The following MAB21L3 variants were observed in gnomAD, a reference collection of about 807,000 sequenced individuals.
The protein encoded by MAB21L3 is protein mab-21-like 3.
In MAB21L3, 36 loss-of-function variants were observed where a neutral mutation model predicts 37.7. The ratio of observed to expected loss-of-function variants is 0.96; its 90% CI spans 0.73 to 1.26. The LOEUF is 1.26. Among genes scored for constraint, MAB21L3 ranks in the 50% most tolerant of loss-of-function variants. MAB21L3 has a pLI of 0.00. For missense variants in MAB21L3, 430 were observed against 447.3 expected (o/e 0.96, Z 0.35); for synonymous variants, 186 against 176.8 (o/e 1.05, Z -0.41).
intron 3 of MAB21L3, among the ~76,000 whole-genome samples, chr1:116,119,369 A>T (rs1205904669): frequency 6.6e-6 from 1 of 151,930 alleles, no homozygotes; most frequent in Non-Finnish European, 1.5e-5. Flanking sequence ...TATACTATGA[A>T]CATATGAAGT....
rs974524813 is a variant in MAB21L3, at chr1:116,137,524, G to T, written c.*4159G>T. ...AAATAGGAAAACTTTTACACTGTTG[G>T]TGGGACTGTAAACTAGTTCAACCAT... On this transcript the variant is annotated 3_prime_UTR_variant, in exon 8 of 8. Coordinates refer to ENST00000369500, the MANE Select transcript of MAB21L3 (RefSeq NM_152367.3). 2.7e-5 allele frequency among the ~76,000 whole-genome samples: 4 copies of T among 149,328 alleles called. No homozygotes were observed. Among genetic ancestry groups the T allele is most frequent in the African/African-American group, 5.0e-5 (2 of 39,826 alleles).
chr1:116,121,314 C>A (rs910340159), intron 4 of MAB21L3, among the ~76,000 whole-genome samples: 2 of 152,042 alleles, frequency 1.3e-5, no homozygotes, highest in Admixed American at 6.5e-5. Flanking sequence ...TGGCTTGAGG[C>A]CAAGAGTTTG....
intron 3 of MAB21L3, among the ~76,000 whole-genome samples, chr1:116,118,793 T>A (rs142391019): frequency 6.6e-6 from 1 of 152,316 alleles, no homozygotes; most frequent in African/African-American, 2.4e-5. Flanking sequence ...GCCCCCTTTT[T>A]CCTAGCTAAC....
chr1:116,120,813 T>C (rs1659725732), intron 3 of MAB21L3, 119 bp from the exon 4 acceptor site: 1 of 1,317,908 alleles, frequency 7.6e-7, no homozygotes, highest in Non-Finnish European at 1.0e-6. Context: ...AAGGCAGGAT[T>C]TTTGAGCTGA....
In MAB21L3 at chr1:116,133,512, G is replaced by A. The variant is rs1434478138; in HGVS notation, c.*147G>A. 8.4e-6 allele frequency: 6 copies of A among 717,866 alleles called. No homozygotes were observed. The highest frequency in any genetic ancestry group is 1.4e-5 in the Non-Finnish European group (6 of 435,024). The allele number at this position is 717,866 out of a possible 1,614,324, so 44.5% of individuals were successfully genotyped here. A position where few individuals can be genotyped will look rare whatever the true frequency, so the allele number is the denominator to read the frequency against. ...ATTACATCAAACCAGAAACACTTCA[G>A]CAGGGGGAAAACTGTGCCCCAGGAT... On this transcript the variant is annotated 3_prime_UTR_variant, in exon 8 of 8. Transcript: ENST00000369500.
At chr1:116,116,542 G>T (rs1022446194) in intron 3 of MAB21L3, among the ~76,000 whole-genome samples, 6 of 152,170 alleles carry the variant, frequency 3.9e-5, no homozygotes, top group African/African-American at 1.4e-4. Context: ...TTAGGTTCAG[G>T]AAGAGGATAA....
At chr1:116,123,153 A>G (rs909962397) in intron 4 of MAB21L3, among the ~76,000 whole-genome samples, 2 of 152,210 alleles carry the variant, frequency 1.3e-5, no homozygotes, top group Admixed American at 6.5e-5. Flanking sequence ...GGACATGGTC[A>G]TAGTTCAAGC....
rs954995332 is a variant in MAB21L3 at position 116,112,417 on chromosome 1, G to A, written c.-199G>A. On this transcript the variant is annotated 5_prime_UTR_variant, in exon 3 of 8. Transcript: ENST00000369500. ...TTAATTTCCCAAAAGATGACAGATG[G>A]ATTTTCACAATTTGGAAATAAAAAC... 1 of 461,322 alleles carries A rather than the reference G, an allele frequency of 2.2e-6. No homozygotes were observed. The highest frequency in any genetic ancestry group is 3.9e-6 in the Non-Finnish European group (1 of 256,488). 28.6% of individuals were successfully genotyped at this position (461,322 alleles called of 1,614,324 possible).
chr1:116,128,388 T>A, intron 7 of MAB21L3, 49 bp downstream of exon 7: 2 of 1,530,844 alleles, frequency 1.3e-6, no homozygotes, highest in Non-Finnish European at 1.8e-6. Context: ...TTTGGATAGG[T>A]CATTCTTCCT....
At position 116,134,428 on chromosome 1, in the gene MAB21L3, GC is replaced by G. The variant is rs2101620859; in HGVS notation, c.*1064del. 1 of 152,348 alleles carries G rather than the reference GC, an allele frequency of 6.6e-6. No individual in the cohort carries two copies. The highest frequency in any genetic ancestry group is 1.9e-4 in the East Asian group (1 of 5,190). The allele number at this position is 152,348 out of a possible 1,614,324, so 9.4% of individuals were successfully genotyped here. On this transcript the variant is annotated 3_prime_UTR_variant, in exon 8 of 8. Coordinates refer to ENST00000369500, the MANE Select transcript of MAB21L3 (RefSeq NM_152367.3). ...ACACGCACAGTTATTACAGATGGAA[GC>G]AAGTGCTTCAAAGGAAATAAACAGA...
chr1:116,120,071 A>G (rs1191786061), intron 3 of MAB21L3, among the ~76,000 whole-genome samples: 2 of 152,104 alleles, frequency 1.3e-5, no homozygotes, highest in Non-Finnish European at 2.9e-5. Context: ...CAGGCGTGAC[A>G]ATACCATGGT....
Position 116,112,567 on chromosome 1 carries a change from A to G in MAB21L3, c.-49A>G. The G allele has an allele frequency of 1.3e-6, 2 of 1,596,906 alleles. No individual in the cohort carries two copies. Among genetic ancestry groups the G allele is most frequent in the Non-Finnish European group, 1.7e-6 (2 of 1,167,720 alleles). Reference sequence around the variant, plus strand: ...CAAGTGTTGCACTCCATTGAGAAAAAAAAAAAAACCAGGAAGTTGCTGTTC... The same window carrying G: ...CAAGTGTTGCACTCCATTGAGAAAAGAAAAAAAACCAGGAAGTTGCTGTTC... On this transcript the variant is annotated 5_prime_UTR_variant, in exon 3 of 8. Coordinates refer to ENST00000369500, the MANE Select transcript of MAB21L3 (RefSeq NM_152367.3).
In MAB21L3 at chr1:116,127,548, C is replaced by T. The variant is rs758242947; in HGVS notation, c.564C>T (p.Val188=). 1.3e-5 allele frequency: 21 copies of T among 1,614,058 alleles called. No individual in the cohort carries two copies. Among genetic ancestry groups the T allele is most frequent in the Non-Finnish European group, 1.7e-5 (20 of 1,180,036 alleles). The change falls in exon 6 of 8, where the codon GTC becomes GTT. Residue 188 remains valine, a synonymous_variant. Transcript: ENST00000369500. ...TSAYQVELEL[V]PAVEIPTTWS... is the part of the protein sequence containing the mutation. ...CATATCAGGTGGAACTGGAGCTGGT[C>T]CCCGCAGTGGAGATCCCCACCACCT...
In MAB21L3 at chr1:116,124,294, G is replaced by T; in HGVS notation, c.418G>T (p.Ala140Ser). The part of the protein sequence containing the change: ...DVNIDGDIVP[A>S]KVLLVFRKLV... ...GAACATCGACGGAGACATTGTGCCT[G>T]CCAAGGTCCTCCTAGTGTTCCGGAA... Residue 140 changes from alanine to serine, a missense_variant, in exon 5 of 8, where the codon GCC (alanine) becomes TCC (serine). Ala to Ser is a moderately conservative substitution (Grantham distance 99, BLOSUM62 1). Transcript: ENST00000369500. 1 of 1,614,132 alleles carries T rather than the reference G, an allele frequency of 6.2e-7. No individual in the cohort carries two copies. Among genetic ancestry groups the T allele is most frequent in the Non-Finnish European group, 8.5e-7 (1 of 1,180,040 alleles).
intron 5 of MAB21L3, among the ~76,000 whole-genome samples, chr1:116,126,773 C>G (rs1456190259): frequency 6.6e-6 from 1 of 152,150 alleles, no homozygotes; most frequent in Non-Finnish European, 1.5e-5. Flanking sequence ...GTAGCAAATA[C>G]AGAAGTTCCC....
intron 7 of MAB21L3, among the ~76,000 whole-genome samples, chr1:116,131,983 G>A (rs931380414): frequency 2.0e-5 from 3 of 152,138 alleles, no homozygotes; most frequent in Non-Finnish European, 4.4e-5. Context: ...GGAGAAGGGC[G>A]ACTCCTAGGT....
Position 116,133,737 on chromosome 1 carries a change from G to A in MAB21L3, c.*372G>A. The A allele has an allele frequency of 3.1e-6, 1 of 318,292 alleles. No individual in the cohort carries two copies. The highest frequency in any genetic ancestry group is 5.9e-6 in the Non-Finnish European group (1 of 168,096). The allele number at this position is 318,292 out of a possible 1,614,324, so 19.7% of individuals were successfully genotyped here. On this transcript the variant is annotated 3_prime_UTR_variant, in exon 8 of 8. Coordinates refer to ENST00000369500, the MANE Select transcript of MAB21L3 (RefSeq NM_152367.3). ...TGGAAGTCTGGACATGAGCCTGCTG[G>A]CCAATACTGTGCCCAGCCCACTGAT...
intron 5 of MAB21L3, among the ~76,000 whole-genome samples, chr1:116,126,748 G>A (rs889403307): frequency 5.9e-5 from 9 of 152,124 alleles, no homozygotes; most frequent in Non-Finnish European, 1.0e-4. Context: ...AAAATAGTTA[G>A]GTTTCATTTT....
chr1:116,121,153 C>A, intron 4 of MAB21L3, 81 bp downstream of exon 4: 1 of 1,341,834 alleles, frequency 7.5e-7, no homozygotes, highest in Non-Finnish European at 1.0e-6. Context: ...GTGACAGATG[C>A]TTGCCTCACT....
Sources: allele counts gnomAD v4.1 joint callset (sites outside exome capture counted in the v4.1 genomes callset), GRCh38; gene constraint gnomAD v4.1.1; transcripts MANE v1.5; gene names NCBI Gene and HGNC (gene_info 2026-07-23, HGNC 2026-07-21).